THSD4: variants seen among roughly 807,000 people sequenced by gnomAD.
THSD4 encodes thrombospondin type 1 domain containing 4.
Under a neutral mutation model 119.0 loss-of-function variants are expected in THSD4, and 69 were observed. That is an observed-to-expected ratio of 0.58 (90% confidence interval 0.48 to 0.71). The LOEUF (loss-of-function observed/expected upper bound fraction) is 0.71, where lower values mean the gene tolerates loss of function less well. Ranked by LOEUF, THSD4 falls within the 30% of genes least tolerant of loss-of-function variation. The pLI is 0.00. For missense variants in THSD4, 1,393 were observed against 1,391.1 expected, an observed-to-expected ratio of 1.00 and a Z score of -0.02; for synonymous variants, 524 against 540.4, an observed-to-expected ratio of 0.97 and a Z score of 0.42.
chr15:71,308,492 T>TTCTG (rs1433493172), intron 6 of THSD4, among the ~76,000 whole-genome samples: 2 of 151,672 alleles, frequency 1.3e-5, no homozygotes, highest in Non-Finnish European at 2.9e-5. Flanking sequence ...TTATTTTGTT[T>TTCTG]TCTTTATTTT....
intron 7 of THSD4, among the ~76,000 whole-genome samples, chr15:71,585,941 AT>A (rs1336312118): frequency 4.0e-5 from 6 of 151,760 alleles, no homozygotes; most frequent in Non-Finnish European, 8.8e-5. Flanking sequence ...TATAGTTTGT[AT>A]TTCTTTATCA....
intron 8 of THSD4, among the ~76,000 whole-genome samples, chr15:71,673,194 A>G (rs184924447): frequency 2.6e-5 from 4 of 152,256 alleles, no homozygotes; most frequent in African/African-American, 2.4e-5. Flanking sequence ...CAGGGATTCA[A>G]CTTCTTCCTG....
At chr15:71,696,742 A>C (rs1478192621) in intron 8 of THSD4, among the ~76,000 whole-genome samples, 4 of 152,358 alleles carry the variant, frequency 2.6e-5, no homozygotes, top group African/African-American at 9.6e-5. Flanking sequence ...GAGAGAAAGA[A>C]TACCAAATCC....
At chr15:71,192,505 ACTC>A (rs1203604143) in intron 3 of THSD4, among the ~76,000 whole-genome samples, 1 of 150,806 alleles carries the variant, frequency 6.6e-6, no homozygotes, top group Non-Finnish European at 1.5e-5. Flanking sequence ...CCAGTCTTGA[ACTC>A]CTGGCCTCAA....
intron 7 of THSD4, among the ~76,000 whole-genome samples, chr15:71,617,193 C>G (rs925297740): frequency 1.3e-5 from 2 of 152,140 alleles, no homozygotes; most frequent in African/African-American, 2.4e-5. Flanking sequence ...TTCCTATCCT[C>G]CAGTTGATGT....
intron 6 of THSD4, among the ~76,000 whole-genome samples, chr15:71,367,011 A>G (rs2045973832): frequency 6.6e-6 from 1 of 152,128 alleles, no homozygotes; most frequent in African/African-American, 2.4e-5. Flanking sequence ...AACATATTCC[A>G]TCTTCTGTGT....
chr15:71,593,821 T>C (rs12908732), intron 7 of THSD4, among the ~76,000 whole-genome samples: 1 of 151,888 alleles, frequency 6.6e-6, no homozygotes, highest in Admixed American at 6.6e-5. Flanking sequence ...GGAAGATTGC[T>C]TGAGCCTGGG....
rs1403319365 is a variant in THSD4, at chr15:71,648,165, C to T, written c.1153-12365C>T. Among the ~76,000 whole-genome samples, 9 of 152,280 alleles carry T rather than the reference C, an allele frequency of 5.9e-5. No individual in the cohort carries two copies. In the East Asian group the frequency reaches 1.7e-3, roughly 29 times the overall value. On this transcript the variant is annotated intron_variant, in intron 7 of 17. Transcript: ENST00000261862. ...ATTACTTACCTTCTCAGAGCTTTGG[C>T]AAAATAGGGATAGTAATTCTTACCT...
At chr15:71,367,698 G>T (rs193078180) in intron 6 of THSD4, among the ~76,000 whole-genome samples, 2 of 152,204 alleles carry the variant, frequency 1.3e-5, no homozygotes, top group Non-Finnish European at 2.9e-5. Context: ...GGACATTTGG[G>T]TTGGTTCCAA....
chr15:71,692,633 A>G (rs1190697355), intron 8 of THSD4, among the ~76,000 whole-genome samples: 1 of 152,140 alleles, frequency 6.6e-6, no homozygotes, highest in Non-Finnish European at 1.5e-5. Flanking sequence ...TCTGTGCTTG[A>G]TGGAGTTAAC....
intron 7 of THSD4, among the ~76,000 whole-genome samples, chr15:71,542,881 AAAAAAAC>A (rs1047585287): frequency 2.6e-5 from 4 of 151,798 alleles, no homozygotes; most frequent in Non-Finnish European, 4.4e-5. Context: ...TGTCTCAAAA[AAAAAAAC>A]AAAAAAACAA....
chr15:71,228,570 A>G (rs1309800414), intron 4 of THSD4, among the ~76,000 whole-genome samples: 2 of 152,216 alleles, frequency 1.3e-5, no homozygotes, highest in African/African-American at 4.8e-5. Flanking sequence ...TTATGCATAA[A>G]CTATCTTTAG....
At chr15:71,251,543 G>A (rs1219581541) in intron 5 of THSD4, among the ~76,000 whole-genome samples, 1 of 152,162 alleles carries the variant, frequency 6.6e-6, no homozygotes, top group East Asian at 1.9e-4. Context: ...ACATTTTCTA[G>A]ATTTCTTTTT....
intron 6 of THSD4, among the ~76,000 whole-genome samples, chr15:71,400,753 C>T (rs1038694043): frequency 6.6e-6 from 1 of 152,080 alleles, no homozygotes; most frequent in South Asian, 2.1e-4. Flanking sequence ...TGGGTAAGCA[C>T]CCTGTCACCT....
intron 6 of THSD4, among the ~76,000 whole-genome samples, chr15:71,378,597 G>A (rs1025071500): frequency 4.6e-5 from 7 of 152,200 alleles, no homozygotes; most frequent in Non-Finnish European, 1.0e-4. Flanking sequence ...AAAGTACCAG[G>A]GGATGCTTCG....
At chr15:71,641,508 T>C (rs1368645953) in intron 7 of THSD4, among the ~76,000 whole-genome samples, 2 of 152,120 alleles carry the variant, frequency 1.3e-5, no homozygotes, top group Non-Finnish European at 2.9e-5. Flanking sequence ...TAAATTATTT[T>C]TTCCCATTTA....
At chr15:71,638,643 TATTC>T (rs1297115508) in intron 7 of THSD4, among the ~76,000 whole-genome samples, 1 of 152,218 alleles carries the variant, frequency 6.6e-6, no homozygotes, top group East Asian at 1.9e-4. Flanking sequence ...AGTACACTCT[TATTC>T]AGGCATTTGA....
rs572089394 is a variant in THSD4 at position 71,391,026 on chromosome 15, A to C, written c.1016-20661A>C. Among the ~76,000 whole-genome samples the C allele has an allele frequency of 1.0e-3, 128 of 126,494 alleles. 4 individuals carry two copies. In the South Asian group the frequency reaches 0.032, roughly 31 times the overall value. The allele number at this position is 126,494 out of a possible 152,430, so 83.0% of individuals were successfully genotyped here. A position where few individuals can be genotyped will look rare whatever the true frequency, so the allele number is the denominator to read the frequency against. On this transcript the variant is annotated intron_variant, in intron 6 of 17. Transcript: ENST00000261862. ...CAGGCATAAGCCACCATGCCGGCTAATTTTTTTTTTTTTTTTTTCTGAGAC... is the reference window on the plus strand; with the variant it reads ...CAGGCATAAGCCACCATGCCGGCTACTTTTTTTTTTTTTTTTTTCTGAGAC...
At chr15:71,748,055 G>A (rs572987963) in intron 13 of THSD4, among the ~76,000 whole-genome samples, 3 of 152,218 alleles carry the variant, frequency 2.0e-5, no homozygotes, top group South Asian at 4.2e-4. Flanking sequence ...AGTGCTGGTC[G>A]GTTGTGTCTA....
Sources: gnomAD v4.1 joint callset for allele counts (sites outside exome capture counted in the v4.1 genomes callset) on GRCh38, gnomAD v4.1.1 for gene constraint, MANE v1.5 for transcripts, NCBI Gene and HGNC (gene_info 2026-07-23, HGNC 2026-07-21) for gene names.